SLF2: variants seen among roughly 807,000 people sequenced by gnomAD.
SLF2 encodes the protein SMC5-SMC6 complex localization factor protein 2.
In SLF2, 68 loss-of-function variants were observed where a neutral mutation model predicts 124.3. The ratio of observed to expected loss-of-function variants is 0.55; its 90% confidence interval spans 0.45 to 0.67. SLF2 has a LOEUF of 0.67. Among genes scored for constraint, SLF2 ranks in the 30% least tolerant of loss-of-function variants. The pLI, the probability that SLF2 is intolerant of heterozygous loss-of-function variation, is 0.00. For synonymous variants in SLF2, 480 were observed against 478.8 expected (o/e 1.00, Z -0.03); for missense variants, 1,246 against 1,373.7 (o/e 0.91, Z 1.47).
chr10:100,929,917 A>G lies in SLF2; in HGVS notation c.2253A>G (p.Gly751=). ...GEEIFNFLNS[G]KIFNQYTLDL... is the part of the protein sequence containing the mutation. ...AAATATTTAATTTCCTCAATTCTGG[A>G]AAAATTTTCAATCAGTATACCTTGG... The change falls in exon 8 of 20, where the codon GGA becomes GGG. Residue 751 remains glycine, a synonymous_variant. Transcript: ENST00000238961. 1 of 1,603,508 alleles carries G rather than the reference A, an allele frequency of 6.2e-7. No homozygotes were observed. Among genetic ancestry groups the G allele is most frequent in the Non-Finnish European group, 8.5e-7 (1 of 1,175,980 alleles).
chr10:100,919,172 C>T (rs752694730), intron 4 of SLF2, among the ~76,000 whole-genome samples: 10 of 151,862 alleles, frequency 6.6e-5, no homozygotes, highest in African/African-American at 1.7e-4. Flanking sequence ...CCACCATGCC[C>T]GACTAATTTT....
chr10:100,934,587 T>TTTTTA (rs1215024640), intron 9 of SLF2, among the ~76,000 whole-genome samples: 5 of 152,024 alleles, frequency 3.3e-5, no homozygotes, highest in South Asian at 2.1e-4. Flanking sequence ...CCTCCTTACA[T>TTTTTA]TTTTATTTTA....
intron 17 of SLF2, among the ~76,000 whole-genome samples, chr10:100,951,778 A>C (rs1015224019): frequency 7.2e-5 from 11 of 152,208 alleles, no homozygotes; most frequent in Non-Finnish European, 1.6e-4. Context: ...TTGTTCCTTT[A>C]GAAATAACAT....
rs144618694 is a variant in SLF2, at chr10:100,916,666, C to G, written c.281C>G (p.Ser94Cys). Residue 94 changes from serine (S) to cysteine (C), a missense_variant, in exon 3 of 20, where the codon TCC (serine) becomes TGC (cysteine). This residue lies in a region of SLF2 where 698 missense variants were observed against 708.9 expected (regional missense o/e 0.98). Coordinates refer to ENST00000238961, the MANE Select transcript of SLF2 (RefSeq NM_018121.4). The stretch of plus-strand genomic sequence containing the variant: ...ACAGAGCAGTTTGAAAGGAAACTAT[C>G]CTCACCAAAAGAATCTAAACCCAAA... The part of the protein sequence containing the change: ...TGTEQFERKL[S>C]SPKESKPKRV... 17 of 1,530,630 alleles carry G rather than the reference C, an allele frequency of 1.1e-5. No individual in the cohort carries two copies. The highest frequency in any genetic ancestry group is 1.4e-5 in the Non-Finnish European group (16 of 1,145,802). The allele number at this position is 1,530,630 out of a possible 1,614,324, so 94.8% of individuals were successfully genotyped here.
intron 9 of SLF2, among the ~76,000 whole-genome samples, chr10:100,931,380 T>C (rs1234096543): frequency 6.6e-6 from 1 of 152,200 alleles, no homozygotes; most frequent in African/African-American, 2.4e-5. Context: ...TAAATTTCTT[T>C]TTAACCTTTT....
chr10:100,949,620 T>C (rs941861960), intron 15 of SLF2, among the ~76,000 whole-genome samples: 1 of 151,394 alleles, frequency 6.6e-6, no homozygotes, highest in Non-Finnish European at 1.5e-5. Flanking sequence ...TTGAGAGATG[T>C]AGTATTGCTC....
intron 15 of SLF2, 42 bp from the exon 16 acceptor site, chr10:100,950,034 T>C (rs761585143): frequency 1.3e-6 from 2 of 1,501,036 alleles, no homozygotes; most frequent in Admixed American, 2.1e-5. Context: ...AGAACAACTA[T>C]ATTATTTAGC....
chr10:100,956,447 A>G lies in SLF2; in HGVS notation c.3331-4A>G, dbSNP rs199860854. On this transcript the variant is annotated splice_region_variant and splice_polypyrimidine_tract_variant and intron_variant, in intron 17 of 19. Coordinates refer to ENST00000238961, the MANE Select transcript of SLF2 (RefSeq NM_018121.4). ...TTTTCATCCCTTGCATTTGTTTTGC[A>G]CAGAAACACTTTGTGCTACTCTGTG... 1 of 1,596,374 alleles carries G rather than the reference A, an allele frequency of 6.3e-7. No homozygotes were observed. The highest frequency in any genetic ancestry group is 1.8e-5 in the Admixed American group (1 of 54,724).
intron 15 of SLF2, 92 bp downstream of exon 15, chr10:100,947,939 G>T: frequency 1.1e-6 from 1 of 871,710 alleles, no homozygotes; most frequent in Non-Finnish European, 1.8e-6. Context: ...AGGTCCTGGG[G>T]TCAGAGCTCA....
intron 17 of SLF2, among the ~76,000 whole-genome samples, chr10:100,951,008 A>C (rs1038845308): frequency 1.3e-5 from 2 of 152,234 alleles, no homozygotes; most frequent in African/African-American, 4.8e-5. Context: ...TGGGAGGCCA[A>C]GGTGCGTGGA....
Position 100,923,952 on chromosome 10 carries a change from A to G in SLF2, c.974-23A>G, listed in dbSNP as rs779126114. 3.4e-6 allele frequency: 5 copies of G among 1,481,598 alleles called. No individual in the cohort carries two copies. The Admixed American group carries it at 9.5e-5, about 28-fold the overall frequency. 91.8% of individuals were successfully genotyped at this position (1,481,598 alleles called of 1,614,324 possible). A position where few individuals can be genotyped will look rare whatever the true frequency, so the allele number is the denominator to read the frequency against. On this transcript the variant is annotated intron_variant, in intron 4 of 19. Transcript: ENST00000238961. ...AAGTTGGAAAGTATATTTTTCACTA[A>G]TCTAACAAAAATTAAATTTTAGCAG...
In SLF2 at chr10:100,917,220, A is replaced by C. The variant is rs777468850; in HGVS notation, c.835A>C (p.Ile279Leu). Reference protein sequence around the residue: ...EASSLSLKSSIERKYKPRQEQ... With the variant: ...EASSLSLKSSLERKYKPRQEQ... ...AAGCAGTCTTTCCTTAAAATCTAGTATAGAAAGAAAATATAAACCAAGGCA... is the reference window on the plus strand; with the variant it reads ...AAGCAGTCTTTCCTTAAAATCTAGTCTAGAAAGAAAATATAAACCAAGGCA... Residue 279 changes from isoleucine (I) to leucine (L), a missense_variant, in exon 3 of 20, where the codon ATA (isoleucine) becomes CTA (leucine). This residue lies in a region of SLF2 where 698 missense variants were observed against 708.9 expected (regional missense o/e 0.98). Coordinates refer to ENST00000238961, the MANE Select transcript of SLF2 (RefSeq NM_018121.4). The C allele has an allele frequency of 9.9e-6, 16 of 1,614,060 alleles. No individual in the cohort carries two copies. The highest frequency in any genetic ancestry group is 5.0e-5 in the Admixed American group (3 of 60,006).
At chr10:100,915,951 G>T in intron 1 of SLF2, 48 bp from the exon 2 acceptor site, 6 of 1,374,946 alleles carry the variant, frequency 4.4e-6, no homozygotes, top group Non-Finnish European at 5.2e-6. Context: ...GAGTTATGAA[G>T]GTTTTAATAT....
In SLF2 at chr10:100,929,385, GA is replaced by G; in HGVS notation, c.2113del (p.Ile705LeufsTer14). 1.2e-6 allele frequency: 2 copies of G among 1,612,992 alleles called. No individual in the cohort carries two copies. The highest frequency in any genetic ancestry group is 1.7e-6 in the Non-Finnish European group (2 of 1,179,182). ...RQGRGIKSPI[R>X]IGEEDSTDDE... is the part of the protein sequence containing the mutation. ...GGCCGAGGCATTAAATCCCCAATCA[GA>G]ATTGGAGAAGAAGACAGTACAGATG... On this transcript the variant is annotated frameshift_variant, in exon 7 of 20. Transcript: ENST00000238961. LOFTEE classifies it high-confidence loss of function.
intron 4 of SLF2, among the ~76,000 whole-genome samples, chr10:100,921,735 C>A (rs1849526996): frequency 6.6e-6 from 1 of 152,230 alleles, no homozygotes; most frequent in Admixed American, 6.5e-5. Flanking sequence ...TTTAAATTAT[C>A]TGACTTCTCT....
In SLF2 at chr10:100,921,802, A is replaced by G. The variant is rs185513023; in HGVS notation, c.974-2173A>G. ...TCTGTAGCTCATTTTTTGTAATCCC[A>G]TACTTAAAAGTAAGATAATGAGCCA... On this transcript the variant is annotated intron_variant, in intron 4 of 19. Transcript: ENST00000238961. Among the ~76,000 whole-genome samples, 239 of 152,334 alleles carry G rather than the reference A, an allele frequency of 1.6e-3. 3 individuals are homozygous for G. The highest frequency in any genetic ancestry group is 0.012 in the Admixed American group (190 of 15,298).
At chr10:100,931,421 T>A (rs1849733941) in intron 9 of SLF2, among the ~76,000 whole-genome samples, 1 of 152,192 alleles carries the variant, frequency 6.6e-6, no homozygotes, top group Non-Finnish European at 1.5e-5. Context: ...TATATACATT[T>A]TCAGAATTTT....
intron 19 of SLF2, among the ~76,000 whole-genome samples, chr10:100,961,074 A>G (rs1406528913): frequency 1.5e-5 from 2 of 129,592 alleles, no homozygotes; most frequent in African/African-American, 2.9e-5. Context: ...CAGTGGTGCA[A>G]TCTCGGCTCA....
chr10:100,924,407 A>G lies in SLF2; in HGVS notation c.1406A>G (p.Lys469Arg). Reference sequence around the variant, plus strand: ...ACCGCTAGCTCCACGACAAAGGAGAAGGAGACAAAACTACCTTTACTTTCC... The same window carrying G: ...ACCGCTAGCTCCACGACAAAGGAGAGGGAGACAAAACTACCTTTACTTTCC... ...NKTASSTTKE[K>R]ETKLPLLSRV... Residue 469 changes from lysine (K) to arginine (R), a missense_variant, in exon 5 of 20, where the codon AAG becomes AGG. Lys to Arg is a conservative substitution (Grantham distance 26). Coordinates refer to ENST00000238961, the MANE Select transcript of SLF2 (RefSeq NM_018121.4). The G allele has an allele frequency of 6.2e-7, 1 of 1,614,200 alleles. No homozygotes were observed. The highest frequency in any genetic ancestry group is 8.5e-7 in the Non-Finnish European group (1 of 1,180,034).
Sources: allele counts gnomAD v4.1 joint callset (sites outside exome capture counted in the v4.1 genomes callset), GRCh38; gene constraint gnomAD v4.1.1; regional missense constraint gnomAD v4.1.1; transcripts MANE v1.5; gene names NCBI Gene and HGNC (gene_info 2026-07-23, HGNC 2026-07-21).